MCTP2: variants seen among roughly 807,000 people sequenced by gnomAD.
MCTP2 encodes multiple C2 and transmembrane domain-containing protein 2.
MCTP2 carries 132 observed loss-of-function variants against 111.6 expected under a neutral mutation model. That is an observed-to-expected ratio of 1.18 (90% CI 1.03 to 1.37). MCTP2 has a LOEUF of 1.37. Ranked by LOEUF, MCTP2 falls within the 40% of genes most tolerant of loss-of-function variation. The probability of loss-of-function intolerance (pLI) is 0.00; values close to 1 mark genes in which losing one functional copy is unlikely to be tolerated. For missense variants in MCTP2, 1,183 were observed against 1,067.9 expected (o/e 1.11, Z -1.50); for synonymous variants, 395 against 387.7 (o/e 1.02, Z -0.22).
At position 94,480,570 on chromosome 15, in the gene MCTP2, G is replaced by A. The variant is rs2074676238; in HGVS notation, c.*1536G>A. On this transcript the variant is annotated 3_prime_UTR_variant, in exon 23 of 23. Coordinates refer to ENST00000357742, the MANE Select transcript of MCTP2 (RefSeq NM_001385001.1). ...AAATCTCGTAGTTGTACATACAATA[G>A]ATACCCAAGAACCTCTTTTGTTAAA... 2 of 152,180 alleles carry A rather than the reference G, an allele frequency of 1.3e-5. No individual in the cohort carries two copies. The highest frequency in any genetic ancestry group is 2.1e-4 in the South Asian group (1 of 4,828). The allele number at this position is 152,180 out of a possible 1,614,324, so 9.4% of individuals were successfully genotyped here.
intron 9 of MCTP2, among the ~76,000 whole-genome samples, chr15:94,356,969 A>G (rs2078659381): frequency 6.6e-6 from 1 of 152,174 alleles, no homozygotes; most frequent in Non-Finnish European, 1.5e-5. Context: ...CATAACTGTC[A>G]GACAGGAATA....
chr15:94,345,300 T>C (rs926173674), intron 8 of MCTP2, 136 bp downstream of exon 8: 2 of 884,322 alleles, frequency 2.3e-6, no homozygotes, highest in African/African-American at 3.5e-5. Context: ...CTGTTACGAA[T>C]AAGAAAACAA....
At chr15:94,312,382 C>T (rs1449353592) in intron 2 of MCTP2, among the ~76,000 whole-genome samples, 1 of 152,198 alleles carries the variant, frequency 6.6e-6, no homozygotes, top group South Asian at 2.1e-4. Context: ...ATACATAACA[C>T]ATGCAGGAGA....
chr15:94,444,941 C>G (rs1437092671), intron 19 of MCTP2, among the ~76,000 whole-genome samples: 1 of 152,032 alleles, frequency 6.6e-6, no homozygotes, highest in African/African-American at 2.4e-5. Context: ...GAGTATCCAA[C>G]AAGATGATGA....
In MCTP2 at chr15:94,401,931, G is replaced by GCC; in HGVS notation, c.1997_1998insCC (p.Arg666SerfsTer24). On this transcript the variant is annotated frameshift_variant, in exon 17 of 23. Transcript: ENST00000357742. LOFTEE classifies it high-confidence loss of function. ...TCAAGAGATGTGGACCGTGTGAAAA[G>GCC]AATCACTATGGCAATATGGAATACA... The GCC allele has an allele frequency of 2.5e-6, 4 of 1,612,850 alleles. No homozygotes were observed. The highest frequency in any genetic ancestry group is 3.4e-6 in the Non-Finnish European group (4 of 1,179,162).
chr15:94,355,487 A>G (rs2078567727), intron 8 of MCTP2, among the ~76,000 whole-genome samples: 1 of 152,162 alleles, frequency 6.6e-6, no homozygotes, highest in Admixed American at 6.5e-5. Flanking sequence ...AATTTAGCAA[A>G]GGAAATAAGA....
intron 12 of MCTP2, among the ~76,000 whole-genome samples, chr15:94,381,637 C>T (rs969742463): frequency 2.6e-5 from 4 of 152,202 alleles, no homozygotes; most frequent in African/African-American, 7.2e-5. Flanking sequence ...GTCATGCTGG[C>T]GTCTCTGGAG....
intron 12 of MCTP2, among the ~76,000 whole-genome samples, chr15:94,374,631 C>T (rs2079659191): frequency 6.6e-6 from 1 of 152,134 alleles, no homozygotes; most frequent in South Asian, 2.1e-4. Flanking sequence ...TAGTTTTATT[C>T]TCTAAAATAA....
intron 1 of MCTP2, among the ~76,000 whole-genome samples, chr15:94,265,305 A>G (rs1242882522): frequency 6.6e-6 from 1 of 152,172 alleles, no homozygotes; most frequent in Non-Finnish European, 1.5e-5. Flanking sequence ...AACAGGGGTT[A>G]TATGAAAATG....
intron 11 of MCTP2, among the ~76,000 whole-genome samples, 186 bp downstream of exon 11, chr15:94,367,977 G>A (rs2079288048): frequency 6.6e-6 from 1 of 152,226 alleles, no homozygotes; most frequent in South Asian, 2.1e-4. Context: ...AAAGGTGACA[G>A]TAGAATTAAG....
rs1350695796 is a variant in MCTP2 at position 94,483,008 on chromosome 15, G to C, written c.*3974G>C. On this transcript the variant is annotated 3_prime_UTR_variant, in exon 23 of 23. Transcript: ENST00000357742. The stretch of plus-strand genomic sequence containing the variant: ...ACCACGCTGGGTTGAGAAGTGAGTG[G>C]ATGTGAAAATATGGGGCCTCTGAAT... The C allele has an allele frequency of 6.6e-6, 1 of 152,186 alleles. No homozygotes were observed. Among genetic ancestry groups the C allele is most frequent in the Non-Finnish European group, 1.5e-5 (1 of 68,028 alleles). 9.4% of individuals were successfully genotyped at this position (152,186 alleles called of 1,614,324 possible). A position where few individuals can be genotyped will look rare whatever the true frequency, so the allele number is the denominator to read the frequency against.
Position 94,466,894 on chromosome 15 carries a change from A to C in MCTP2, c.2361-3439A>C, listed in dbSNP as rs138793170. Among the ~76,000 whole-genome samples, 1,175 of 152,196 alleles carry C rather than the reference A, an allele frequency of 7.7e-3. 15 individuals are homozygous for C. Among genetic ancestry groups the C allele is most frequent in the African/African-American group, 0.027 (1,119 of 41,506 alleles). Reference sequence around the variant, plus strand: ...TGCTAGAAAAGGAATGATAAAGTCTATTCCTTTTTAAAAAGTAATTTGATT... The same window carrying C: ...TGCTAGAAAAGGAATGATAAAGTCTCTTCCTTTTTAAAAAGTAATTTGATT... On this transcript the variant is annotated intron_variant, in intron 20 of 22. Transcript: ENST00000357742.
At chr15:94,336,892 C>T (rs530532858) in intron 4 of MCTP2, among the ~76,000 whole-genome samples, 5 of 152,066 alleles carry the variant, frequency 3.3e-5, no homozygotes, top group East Asian at 1.9e-4. Flanking sequence ...GAATTGGTGA[C>T]GGCCCCAGAA....
chr15:94,421,944 G>C (rs914156822), intron 17 of MCTP2, among the ~76,000 whole-genome samples: 3 of 152,134 alleles, frequency 2.0e-5, no homozygotes, highest in African/African-American at 7.2e-5. Flanking sequence ...GAAGGATAAG[G>C]ATTTCTAAAG....
At chr15:94,375,414 G>T (rs1222427987) in intron 12 of MCTP2, among the ~76,000 whole-genome samples, 1 of 152,092 alleles carries the variant, frequency 6.6e-6, no homozygotes, top group Non-Finnish European at 1.5e-5. Context: ...TAGTCTATAT[G>T]TTATGAAGAG....
intron 2 of MCTP2, among the ~76,000 whole-genome samples, chr15:94,302,183 C>T (rs989836160): frequency 2.6e-5 from 4 of 152,086 alleles, no homozygotes; most frequent in East Asian, 1.9e-4. Context: ...TTCTCTGGTG[C>T]CAGTTGAGAT....
chr15:94,408,417 T>G (rs554302759), intron 17 of MCTP2, among the ~76,000 whole-genome samples: 1 of 152,354 alleles, frequency 6.6e-6, no homozygotes, highest in East Asian at 1.9e-4. Context: ...TTTGGCATCT[T>G]ATGGTTTTAA....
intron 3 of MCTP2, among the ~76,000 whole-genome samples, chr15:94,315,123 C>A (rs900201078): frequency 6.6e-6 from 1 of 152,136 alleles, no homozygotes; most frequent in Admixed American, 6.5e-5. Context: ...CATCTTACAT[C>A]TGAACTTGGA....
At chr15:94,386,854 G>A (rs77274779) in intron 14 of MCTP2, among the ~76,000 whole-genome samples, 1 of 152,002 alleles carries the variant, frequency 6.6e-6, no homozygotes, top group East Asian at 1.9e-4. Flanking sequence ...GTACCTAAAA[G>A]TTTTGTGTGT....
Sources: allele counts gnomAD v4.1 joint callset (sites outside exome capture counted in the v4.1 genomes callset), GRCh38; gene constraint gnomAD v4.1.1; transcripts MANE v1.5; gene names NCBI Gene and HGNC (gene_info 2026-07-23, HGNC 2026-07-21).